KCNQ1: variants seen among roughly 807,000 people sequenced by gnomAD.
The protein encoded by KCNQ1 is potassium voltage-gated channel subfamily KQT member 1.
A neutral mutation model predicts 72.4 loss-of-function variants in KCNQ1; 49 were observed. The observed-to-expected ratio is 0.68, with a 90% CI of 0.54 to 0.86. The LOEUF (loss-of-function observed/expected upper bound fraction) is 0.86, where lower values mean the gene tolerates loss of function less well. Ranked by LOEUF, KCNQ1 falls within the 40% of genes least tolerant of loss-of-function variation. KCNQ1 has a pLI of 0.00. For synonymous variants in KCNQ1, 450 were observed against 412.6 expected (o/e 1.09, Z -1.10); for missense variants, 790 against 945.1 (o/e 0.84, Z 2.15).
intron 2 of KCNQ1, among the ~76,000 whole-genome samples, chr11:2,558,595 A>G (rs1466779090): frequency 6.6e-6 from 1 of 152,174 alleles, no homozygotes; most frequent in Non-Finnish European, 1.5e-5. Context: ...TGACCTTGAG[A>G]ACACCCAGGT....
At chr11:2,558,610 G>A (rs1195318474) in intron 2 of KCNQ1, among the ~76,000 whole-genome samples, 1 of 152,240 alleles carries the variant, frequency 6.6e-6, no homozygotes, top group Non-Finnish European at 1.5e-5. Context: ...CCAGGTGGGG[G>A]AGGAAGTGGG....
Position 2,828,050 on chromosome 11 carries a change from C to A in KCNQ1, c.1795-19717C>A, listed in dbSNP as rs1007278111. Among the ~76,000 whole-genome samples, 1 of 152,054 alleles carries A rather than the reference C, an allele frequency of 6.6e-6. No homozygotes were observed. On this transcript the variant is annotated intron_variant, in intron 15 of 15. Coordinates refer to ENST00000155840, the MANE Select transcript of KCNQ1 (RefSeq NM_000218.3). This position sits in a 1 kb window ranked among gnomAD's most constrained non-coding sequence, Gnocchi z 5.3. ...AGAGGGAACACTACCTGCAAAGGGG[C>A]GAGGGCAGGACAAAGGCTGGCAGCA...
rs552288702 is a variant in KCNQ1 at position 2,462,697 on chromosome 11, C to G, written c.386+17213C>G. ...ACTTAGACAGCTTGGAGGGCCAGGACTGAGGGGAGGGGGCGGTGGAGTGAA... is the reference window on the plus strand; with the variant it reads ...ACTTAGACAGCTTGGAGGGCCAGGAGTGAGGGGAGGGGGCGGTGGAGTGAA... On this transcript the variant is annotated intron_variant, in intron 1 of 15. Coordinates refer to ENST00000155840, the MANE Select transcript of KCNQ1 (RefSeq NM_000218.3). This position sits in a 1 kb window ranked among gnomAD's most constrained non-coding sequence, Gnocchi z 8.2. 3.3e-5 allele frequency among the ~76,000 whole-genome samples: 5 copies of G among 150,708 alleles called. No individual in the cohort carries two copies. In the East Asian group the frequency reaches 9.9e-4, roughly 30 times the overall value.
intron 11 of KCNQ1, among the ~76,000 whole-genome samples, chr11:2,744,818 A>T (rs1846112615): frequency 1.3e-5 from 2 of 152,052 alleles, no homozygotes; most frequent in African/African-American, 4.8e-5. Flanking sequence ...GTCCAGGTGC[A>T]CCTTTGCATT....
At chr11:2,700,829 G>C (rs963738778) in intron 11 of KCNQ1, among the ~76,000 whole-genome samples, 2 of 151,080 alleles carry the variant, frequency 1.3e-5, no homozygotes, top group Non-Finnish European at 3.0e-5. Flanking sequence ...CCCTCCCCTT[G>C]TCCGTCCCCT....
chr11:2,805,125 G>A (rs1847346577), intron 15 of KCNQ1, among the ~76,000 whole-genome samples: 1 of 152,234 alleles, frequency 6.6e-6, no homozygotes, highest in Admixed American at 6.5e-5. Flanking sequence ...GTGTCAGCGG[G>A]TCAGGCTGAG....
chr11:2,597,184 T>C lies in KCNQ1; in HGVS notation c.1393+8330T>C, dbSNP rs549897033. On this transcript the variant is annotated intron_variant, in intron 10 of 15. Transcript: ENST00000155840. ...GATTATTAAATATCAAAGAGTTTGA[T>C]AACACTCTATGGGTATGTGTACATG... Among the ~76,000 whole-genome samples, 20 of 152,310 alleles carry C rather than the reference T, an allele frequency of 1.3e-4. No homozygotes were observed. The South Asian group carries it at 3.7e-3, about 28-fold the overall frequency.
intron 2 of KCNQ1, among the ~76,000 whole-genome samples, chr11:2,569,568 C>T (rs1380018027): frequency 3.9e-5 from 6 of 152,216 alleles, no homozygotes; most frequent in East Asian, 1.9e-4. Context: ...GCCTGAGACG[C>T]CGTATGCCTG....
chr11:2,631,930 C>T (rs1849359927), intron 10 of KCNQ1: 1 of 397,326 alleles, frequency 2.5e-6, no homozygotes, highest in East Asian at 3.6e-5. Flanking sequence ...CGCCTGTAAT[C>T]CCAGCACTTT....
At chr11:2,523,110 T>C (rs4930119) in intron 1 of KCNQ1, among the ~76,000 whole-genome samples, 127,140 of 152,240 alleles carry the variant, frequency 0.84, 53,486 homozygotes, top group East Asian at 0.96. Context: ...CACCAAGTTT[T>C]CAAGCCCTCA....
At position 2,670,488 on chromosome 11, in the gene KCNQ1, C is replaced by T. The variant is rs1319295142; in HGVS notation, c.1514+8407C>T. ...CCTTGGTAGGTCCCTCAGAGAGCATCTAGTGGGCCTGTCCTCCCAGCTCAC... is the reference window on the plus strand; with the variant it reads ...CCTTGGTAGGTCCCTCAGAGAGCATTTAGTGGGCCTGTCCTCCCAGCTCAC... On this transcript the variant is annotated intron_variant, in intron 11 of 15. Transcript: ENST00000155840. The surrounding 1 kb of genome is among the most constrained non-coding windows in gnomAD (Gnocchi z 4.9). 2.3e-5 allele frequency: 9 copies of T among 397,338 alleles called. No homozygotes were observed. In the Admixed American group the frequency reaches 3.1e-4, roughly 14 times the overall value. 24.6% of individuals were successfully genotyped at this position (397,338 alleles called of 1,614,324 possible). A position where few individuals can be genotyped will look rare whatever the true frequency, so the allele number is the denominator to read the frequency against.
In KCNQ1 at chr11:2,676,432, G is replaced by C; in HGVS notation, c.1514+14351G>C. On this transcript the variant is annotated intron_variant, in intron 11 of 15. Coordinates refer to ENST00000155840, the MANE Select transcript of KCNQ1 (RefSeq NM_000218.3). This position sits in a 1 kb window ranked among gnomAD's most constrained non-coding sequence, Gnocchi z 4.2. Reference sequence around the variant, plus strand: ...AGCCCAATGGGCTGGGCTTTTCCCAGATAGGACATGCTCACTGTTCTGCTC... The same window carrying C: ...AGCCCAATGGGCTGGGCTTTTCCCACATAGGACATGCTCACTGTTCTGCTC... The C allele has an allele frequency of 2.5e-6, 1 of 398,664 alleles. No individual in the cohort carries two copies. The highest frequency in any genetic ancestry group is 4.4e-6 in the Non-Finnish European group (1 of 226,076). The allele number at this position is 398,664 out of a possible 1,614,324, so 24.7% of individuals were successfully genotyped here.
chr11:2,666,662 T>C lies in KCNQ1; in HGVS notation c.1514+4581T>C, dbSNP rs920973043. The C allele has an allele frequency of 2.5e-5, 10 of 398,540 alleles. 1 individual carries two copies. Among genetic ancestry groups the C allele is most frequent in the Non-Finnish European group, 3.1e-5 (7 of 226,100 alleles). The allele number at this position is 398,540 out of a possible 1,614,324, so 24.7% of individuals were successfully genotyped here. A position where few individuals can be genotyped will look rare whatever the true frequency, so the allele number is the denominator to read the frequency against. ...CTTCATGGACCAAGGGGCTAGCTCTTTTGATGGGACCAGCTTGGCCTGGGA... is the reference window on the plus strand; with the variant it reads ...CTTCATGGACCAAGGGGCTAGCTCTCTTGATGGGACCAGCTTGGCCTGGGA... On this transcript the variant is annotated intron_variant, in intron 11 of 15. Transcript: ENST00000155840.
Position 2,746,591 on chromosome 11 carries a change from G to T in KCNQ1, c.1515-22253G>T, listed in dbSNP as rs1846141676. Among the ~76,000 whole-genome samples the T allele has an allele frequency of 2.0e-5, 3 of 152,180 alleles. No homozygotes were observed. On this transcript the variant is annotated intron_variant, in intron 11 of 15. Coordinates refer to ENST00000155840, the MANE Select transcript of KCNQ1 (RefSeq NM_000218.3). This position sits in a 1 kb window ranked among gnomAD's most constrained non-coding sequence, Gnocchi z 5.9. ...TGTCCCTTACTAGGATCCGTCTGCT[G>T]CTGTCCTCACGATTCGACTGGGCTG...
chr11:2,657,885 T>C lies in KCNQ1; in HGVS notation c.1394-4076T>C. 1 of 398,588 alleles carries C rather than the reference T, an allele frequency of 2.5e-6. No homozygotes were observed. The highest frequency in any genetic ancestry group is 3.6e-5 in the East Asian group (1 of 28,078). The allele number at this position is 398,588 out of a possible 1,614,324, so 24.7% of individuals were successfully genotyped here. On this transcript the variant is annotated intron_variant, in intron 10 of 15. Transcript: ENST00000155840. The surrounding 1 kb of genome is among the most constrained non-coding windows in gnomAD (Gnocchi z 4.8). ...GTTTAGGGGAAGGAGGCCAGTGAGG[T>C]GAGATGCTTTCCTCATTGTGGAACA...
intron 15 of KCNQ1, among the ~76,000 whole-genome samples, chr11:2,796,400 G>A (rs534873754): frequency 6.6e-6 from 1 of 152,316 alleles, no homozygotes; most frequent in Admixed American, 6.5e-5. Flanking sequence ...ATGGCAGGGT[G>A]GCAGGAAGCA....
chr11:2,536,762 G>A lies in KCNQ1; in HGVS notation c.477+8744G>A, dbSNP rs951557985. ...CGAGAGTCGACCTGGGCTGCGTGAT[G>A]GGGGACCCCAGGCTGGGCGGCTTAA... On this transcript the variant is annotated intron_variant, in intron 2 of 15. Transcript: ENST00000155840. The surrounding 1 kb of genome is among the most constrained non-coding windows in gnomAD (Gnocchi z 7.4). 1.3e-5 allele frequency among the ~76,000 whole-genome samples: 2 copies of A among 150,934 alleles called. No individual in the cohort carries two copies. The highest frequency in any genetic ancestry group is 5.0e-5 in the African/African-American group (2 of 40,258).
At position 2,645,199 on chromosome 11, in the gene KCNQ1, A is replaced by T. The variant is rs1849648052; in HGVS notation, c.1394-16762A>T. The stretch of plus-strand genomic sequence containing the variant: ...TATTGGGATGGCTGGGATAAGCTGG[A>T]TGAGCTTGTCCCAAGGCCCACAGGT... On this transcript the variant is annotated intron_variant, in intron 10 of 15. Coordinates refer to ENST00000155840, the MANE Select transcript of KCNQ1 (RefSeq NM_000218.3). This position sits in a 1 kb window ranked among gnomAD's most constrained non-coding sequence, Gnocchi z 5.8. 3 of 398,558 alleles carry T rather than the reference A, an allele frequency of 7.5e-6. No homozygotes were observed. In the South Asian group the frequency reaches 3.8e-4, roughly 51 times the overall value. 24.7% of individuals were successfully genotyped at this position (398,558 alleles called of 1,614,324 possible). A position where few individuals can be genotyped will look rare whatever the true frequency, so the allele number is the denominator to read the frequency against.
rs373465318 is a variant in KCNQ1, at chr11:2,784,531, T to A, written c.1794+6494T>A. ...ATTCTAAGTCCTATGAATTTCCATA[T>A]AAATTTTAGGTTCAACCTGTCAATT... On this transcript the variant is annotated intron_variant, in intron 15 of 15. Transcript: ENST00000155840. This position sits in a 1 kb window ranked among gnomAD's most constrained non-coding sequence, Gnocchi z 4.7. Among the ~76,000 whole-genome samples, 1 of 151,980 alleles carries A rather than the reference T, an allele frequency of 6.6e-6. No individual in the cohort carries two copies. Among genetic ancestry groups the A allele is most frequent in the East Asian group, 1.9e-4 (1 of 5,204 alleles).
Sources: gnomAD v4.1 joint callset for allele counts (sites outside exome capture counted in the v4.1 genomes callset) on GRCh38, gnomAD v4.1.1 for gene constraint, Gnocchi (gnomAD v3.1) non-coding constraint, MANE v1.5 for transcripts, NCBI Gene and HGNC (gene_info 2026-07-23, HGNC 2026-07-21) for gene names.